CPXM2: variants seen among roughly 807,000 people sequenced by gnomAD.
The protein encoded by CPXM2 is carboxypeptidase X, M14 family member 2, also known as inactive carboxypeptidase-like protein X2.
A neutral mutation model predicts 86.1 loss-of-function variants in CPXM2; 66 were observed. That is an observed-to-expected ratio of 0.77 (90% CI 0.63 to 0.94). The LOEUF is 0.94. Among genes scored for constraint, CPXM2 ranks in the 40% least tolerant of loss-of-function variants. The probability of loss-of-function intolerance (pLI) is 0.00; values close to 1 mark genes in which losing one functional copy is unlikely to be tolerated. For missense variants in CPXM2, 948 were observed against 1,026.3 expected (o/e 0.92, Z 1.04); for synonymous variants, 388 against 400.2 (o/e 0.97, Z 0.36).
intron 2 of CPXM2, among the ~76,000 whole-genome samples, chr10:123,914,485 G>A (rs991349160): frequency 2.0e-5 from 3 of 152,090 alleles, no homozygotes; most frequent in African/African-American, 7.2e-5. Context: ...CTGTGTGACT[G>A]ACAGCCTCCT....
chr10:123,826,611 T>A (rs1299404174), intron 4 of CPXM2, among the ~76,000 whole-genome samples: 1 of 152,140 alleles, frequency 6.6e-6, no homozygotes, highest in Admixed American at 6.5e-5. Context: ...GAGCATTATA[T>A]AAAATTATAG....
chr10:123,788,069 A>C (rs1044807828), intron 6 of CPXM2, among the ~76,000 whole-genome samples: 3 of 151,668 alleles, frequency 2.0e-5, no homozygotes, highest in Admixed American at 6.6e-5. Flanking sequence ...CACCTGAGGT[A>C]AGGAGTTCAA....
chr10:123,919,587 T>C (rs1262988374), intron 2 of CPXM2, among the ~76,000 whole-genome samples: 1 of 152,172 alleles, frequency 6.6e-6, no homozygotes, highest in African/African-American at 2.4e-5. Context: ...AGTGGAAAGT[T>C]TTAAAAACTG....
rs181864253 is a variant in CPXM2, at chr10:123,924,458, T to A, written n.174+15019A>T. 2.2e-3 allele frequency among the ~76,000 whole-genome samples: 331 copies of A among 152,248 alleles called. 3 individuals carry two copies. The highest frequency in any genetic ancestry group is 7.5e-3 in the African/African-American group (311 of 41,546). ...TTTCTGATGCTGCTTTATTATAAAG[T>A]CTATGGTAAAGGACACAGATGAATA... is the stretch of plus-strand genomic sequence containing the variant. On this transcript the variant is annotated intron_variant and non_coding_transcript_variant, in intron 2 of 19. Coordinates refer to the CPXM2 transcript ENST00000368854.
intron 2 of CPXM2, among the ~76,000 whole-genome samples, chr10:123,934,405 T>C (rs1004952895): frequency 2.0e-5 from 3 of 151,768 alleles, no homozygotes; most frequent in Non-Finnish European, 4.4e-5. Context: ...GGCTTGTGGG[T>C]GCATCTCGCC....
chr10:123,747,145 C>T, intron 13 of CPXM2, 128 bp from the exon 14 acceptor site: 2 of 1,095,644 alleles, frequency 1.8e-6, no homozygotes, highest in Admixed American at 2.3e-5. Context: ...AATCCGAGCT[C>T]CTGCAGATGC....
intron 2 of CPXM2, among the ~76,000 whole-genome samples, chr10:123,898,943 G>T (rs1383849031): frequency 6.6e-6 from 1 of 152,104 alleles, no homozygotes; most frequent in Non-Finnish European, 1.5e-5. Context: ...GCAGATGGGG[G>T]TTCACCACGT....
intron 4 of CPXM2, among the ~76,000 whole-genome samples, chr10:123,820,340 A>G (rs1316303538): frequency 6.6e-6 from 1 of 152,172 alleles, no homozygotes; most frequent in African/African-American, 2.4e-5. Flanking sequence ...AGCTCATAGA[A>G]GAGACCCTCT....
In CPXM2 at chr10:123,882,634, C is replaced by T. The variant is rs565278852; in HGVS notation, c.305-2325G>A. The stretch of plus-strand genomic sequence containing the variant: ...AGCCTTCCCCAGAAAATGGTGTTCA[C>T]GACAACCTTCCTTCAGCCAGGGCCG... On this transcript the variant is annotated intron_variant, in intron 1 of 13. Transcript: ENST00000241305. Among the ~76,000 whole-genome samples the T allele has an allele frequency of 5.3e-5, 8 of 152,272 alleles. No individual in the cohort carries two copies. The East Asian group carries it at 5.8e-4, about 11-fold the overall frequency.
chr10:123,932,691 T>C (rs1945676014), intron 2 of CPXM2, among the ~76,000 whole-genome samples: 1 of 152,148 alleles, frequency 6.6e-6, no homozygotes, highest in Admixed American at 6.5e-5. Context: ...GGTGAATCAA[T>C]TTACATAAGG....
chr10:123,830,872 C>CTCTCTCTCTGTGTGTG (rs1258897184), intron 4 of CPXM2, among the ~76,000 whole-genome samples: 2 of 142,802 alleles, frequency 1.4e-5, no homozygotes, highest in African/African-American at 5.3e-5. Context: ...CTCTCTCTCT[C>CTCTCTCTCTGTGTGTG]TGTGTGTGTG....
intron 4 of CPXM2, 58 bp from the exon 5 acceptor site, chr10:123,799,257 G>T: frequency 6.2e-7 from 1 of 1,603,362 alleles, no homozygotes; most frequent in South Asian, 1.1e-5. Context: ...GTTCTTCCAT[G>T]AAGAGGTTTA....
At chr10:123,811,211 TA>T (rs1847687446) in intron 4 of CPXM2, among the ~76,000 whole-genome samples, 1 of 151,882 alleles carries the variant, frequency 6.6e-6, no homozygotes, top group African/African-American at 2.4e-5. Flanking sequence ...AGGTTTGTTA[TA>T]TATGTATACA....
intron 4 of CPXM2, among the ~76,000 whole-genome samples, chr10:123,815,301 G>A (rs559534555): frequency 6.6e-6 from 1 of 152,170 alleles, no homozygotes; most frequent in Non-Finnish European, 1.5e-5. Context: ...CCCTGGTAGA[G>A]AAAGAGCTGA....
intron 4 of CPXM2, among the ~76,000 whole-genome samples, chr10:123,816,752 C>T (rs570358118): frequency 6.6e-6 from 1 of 152,220 alleles, no homozygotes; most frequent in Admixed American, 6.5e-5. Flanking sequence ...AGCAATATAC[C>T]TTTACTGTCC....
At position 123,889,274 on chromosome 10, in the gene CPXM2, C is replaced by T. The variant is rs117509592; in HGVS notation, c.304+2082G>A. The stretch of plus-strand genomic sequence containing the variant: ...ATGATGTCCGGTCACTTGTACGAGT[C>T]CCCAGGACAATCAAGCTGACTTACT... On this transcript the variant is annotated intron_variant, in intron 1 of 13. Coordinates refer to ENST00000241305, the MANE Select transcript of CPXM2 (RefSeq NM_198148.3). Among the ~76,000 whole-genome samples, 94 of 152,036 alleles carry T rather than the reference C, an allele frequency of 6.2e-4. 3 individuals carry two copies. In the East Asian group the frequency reaches 0.018, roughly 29 times the overall value.
chr10:123,879,605 G>A (rs1945048361), intron 2 of CPXM2, among the ~76,000 whole-genome samples: 1 of 152,148 alleles, frequency 6.6e-6, no homozygotes, highest in Non-Finnish European at 1.5e-5. Context: ...GCAGAAATGT[G>A]ATCCTGGTTA....
intron 12 of CPXM2, 114 bp downstream of exon 12, chr10:123,757,099 C>T (rs1375677568): frequency 1.2e-5 from 12 of 975,512 alleles, no homozygotes; most frequent in Non-Finnish European, 1.9e-5. Flanking sequence ...ACTGTGCTGG[C>T]CCAGGATGAC....
chr10:123,764,689 G>A (rs1846427620), intron 10 of CPXM2, among the ~76,000 whole-genome samples: 1 of 152,242 alleles, frequency 6.6e-6, no homozygotes, highest in Non-Finnish European at 1.5e-5. Context: ...GTTTCACCAT[G>A]TTGGCCATGC....
Sources: gnomAD v4.1 joint callset for allele counts (sites outside exome capture counted in the v4.1 genomes callset) on GRCh38, gnomAD v4.1.1 for gene constraint, MANE v1.5 for transcripts, NCBI Gene and HGNC (gene_info 2026-07-23, HGNC 2026-07-21) for gene names.